Variants in TEX29 observed in about 807,000 individuals in gnomAD.
TEX29 encodes the protein testis-expressed protein 29.
A neutral mutation model predicts 18.2 loss-of-function variants in TEX29; 26 were observed. That is an observed-to-expected ratio of 1.43 (90% CI 1.04 to 1.98). The LOEUF (loss-of-function observed/expected upper bound fraction) is 1.98, where lower values mean the gene tolerates loss of function less well. TEX29 is among the 30% of genes most tolerant of loss of function. The pLI is 0.00. For synonymous variants in TEX29, 83 were observed against 78.5 expected (o/e 1.06, Z -0.31); for missense variants, 177 against 194.2 (o/e 0.91, Z 0.53).
At chr13:111,318,118 C>T (rs1230796883), upstream of TEX29, among the ~76,000 whole-genome samples, 1 of 152,180 alleles carries the variant, frequency 6.6e-6, no homozygotes, top group African/African-American at 2.4e-5. Flanking sequence ...CTAGGAGCCC[C>T]CCGAATCCCC....
upstream of TEX29, among the ~76,000 whole-genome samples, chr13:111,320,321 G>T (rs924753094): frequency 6.6e-6 from 1 of 152,212 alleles, no homozygotes; most frequent in Non-Finnish European, 1.5e-5. Context: ...CTGGCAGAGA[G>T]GGGTGTCCCA....
At chr13:111,333,403 G>C (rs1485734011) in intron 3 of TEX29, among the ~76,000 whole-genome samples, 1 of 152,048 alleles carries the variant, frequency 6.6e-6, no homozygotes. Flanking sequence ...ATTTTTCTTG[G>C]TTATATTTTC....
At position 111,320,779 on chromosome 13, in the gene TEX29, C is replaced by T. The variant is rs1019833446; in HGVS notation, c.-35+17C>T. 1 of 1,322,474 alleles carries T rather than the reference C, an allele frequency of 7.6e-7. No homozygotes were observed. Among genetic ancestry groups the T allele is most frequent in the African/African-American group, 1.4e-5 (1 of 69,090 alleles). 81.9% of individuals were successfully genotyped at this position (1,322,474 alleles called of 1,614,324 possible). A position where few individuals can be genotyped will look rare whatever the true frequency, so the allele number is the denominator to read the frequency against. ...GAGGCGCAGGTGAGTCGATGAACGC[C>T]CCCTCCTGGTGTGAGCCGCCCGCTC... On this transcript the variant is annotated intron_variant, in intron 1 of 5. Coordinates refer to ENST00000283547, the MANE Select transcript of TEX29 (RefSeq NM_152324.3).
At chr13:111,323,911 G>A (rs1412604066) in intron 2 of TEX29, among the ~76,000 whole-genome samples, 1 of 152,226 alleles carries the variant, frequency 6.6e-6, no homozygotes, top group Non-Finnish European at 1.5e-5. Context: ...TCAAACTCCG[G>A]GAGAACTGGT....
intron 3 of TEX29, 86 bp downstream of exon 3, chr13:111,328,379 C>T (rs1027029241): frequency 1.1e-6 from 1 of 910,600 alleles, no homozygotes; most frequent in South Asian, 1.3e-5. Context: ...CTCCCTTCCT[C>T]GGGGTCTCTG....
upstream of TEX29, among the ~76,000 whole-genome samples, chr13:111,317,745 G>C (rs2093656999): frequency 6.6e-6 from 1 of 152,210 alleles, no homozygotes; most frequent in Non-Finnish European, 1.5e-5. Context: ...CGTGGGCCGA[G>C]GGTTCTGGGG....
chr13:111,332,424 A>ATAAT (rs1162395410), intron 3 of TEX29, among the ~76,000 whole-genome samples: 1 of 152,080 alleles, frequency 6.6e-6, no homozygotes, highest in Non-Finnish European at 1.5e-5. Flanking sequence ...TCATTCTATT[A>ATAAT]GTTTTCTAGT....
chr13:111,324,879 G>A (rs563020386), intron 2 of TEX29, among the ~76,000 whole-genome samples: 5 of 152,162 alleles, frequency 3.3e-5, no homozygotes, highest in African/African-American at 7.2e-5. Context: ...GAAAAATAAC[G>A]GAACGTTTAC....
At position 111,328,171 on chromosome 13, in the gene TEX29, G is replaced by C; in HGVS notation, c.59-12G>C. The C allele has an allele frequency of 6.3e-7, 1 of 1,578,268 alleles. No homozygotes were observed. The highest frequency in any genetic ancestry group is 8.7e-7 in the Non-Finnish European group (1 of 1,147,518). ...TCGGGGGTGACACTTGTGTATGTCT[G>C]TGCTTTTGCAGTGTGTGACGTTCCT... On this transcript the variant is annotated splice_polypyrimidine_tract_variant and intron_variant, in intron 2 of 5. Transcript: ENST00000283547.
chr13:111,327,278 G>A (rs983008280), intron 2 of TEX29, among the ~76,000 whole-genome samples: 1 of 152,228 alleles, frequency 6.6e-6, no homozygotes, highest in Non-Finnish European at 1.5e-5. Context: ...TGGAATGGGG[G>A]TGTCTTGAGA....
intron 3 of TEX29, among the ~76,000 whole-genome samples, chr13:111,339,596 G>T (rs948970187): frequency 1.3e-5 from 2 of 152,192 alleles, no homozygotes; most frequent in East Asian, 3.9e-4. Flanking sequence ...CGGGGGTCAG[G>T]GTGGTCACAA....
upstream of TEX29, among the ~76,000 whole-genome samples, chr13:111,316,819 G>C (rs2093655409): frequency 6.6e-6 from 1 of 152,230 alleles, no homozygotes; most frequent in Non-Finnish European, 1.5e-5. Context: ...ACAAAGGAAA[G>C]AGGTTTAATT....
chr13:111,330,119 A>G (rs35181765), intron 3 of TEX29, among the ~76,000 whole-genome samples: 15,328 of 151,922 alleles, frequency 0.1, 924 homozygotes, highest in African/African-American at 0.16. Context: ...TAGGGGAAGA[A>G]GAGAAAAAGG....
intron 3 of TEX29, among the ~76,000 whole-genome samples, chr13:111,331,016 A>G (rs1268223616): frequency 1.3e-5 from 2 of 152,216 alleles, no homozygotes; most frequent in African/African-American, 2.4e-5. Context: ...GAACATTTGT[A>G]TATAGGTTTT....
chr13:111,339,738 G>A, intron 3 of TEX29, 125 bp from the exon 4 acceptor site: 1 of 841,586 alleles, frequency 1.2e-6, no homozygotes, highest in South Asian at 1.5e-5. Flanking sequence ...TGGGTGAGGA[G>A]TGCTGACCAT....
At chr13:111,339,390 C>A in intron 3 of TEX29, 1 of 455,096 alleles carries the variant, frequency 2.2e-6, no homozygotes, top group Non-Finnish European at 4.4e-6. Flanking sequence ...CTCCACGCAC[C>A]CCCAGGGGTC....
upstream of TEX29, among the ~76,000 whole-genome samples, chr13:111,317,600 G>A (rs1009691803): frequency 5.3e-5 from 8 of 152,226 alleles, no homozygotes; most frequent in Non-Finnish European, 8.8e-5. Flanking sequence ...ATCTTTGCTC[G>A]GTTTATTGTC....
At chr13:111,321,214 CAGGTCAA>C (rs2093664027) in intron 2 of TEX29, among the ~76,000 whole-genome samples, 2 of 152,256 alleles carry the variant, frequency 1.3e-5, no homozygotes, top group South Asian at 4.1e-4. Context: ...AGGGCTTTAA[CAGGTCAA>C]AGGCATTTTG....
upstream of TEX29, among the ~76,000 whole-genome samples, chr13:111,320,407 G>A (rs534618867): frequency 1.4e-4 from 22 of 152,344 alleles, no homozygotes; most frequent in Admixed American, 2.6e-4. Context: ...GGCAAGGGGC[G>A]GGGGTATCCT....
Sources: gnomAD v4.1 joint callset for allele counts (sites outside exome capture counted in the v4.1 genomes callset) on GRCh38, gnomAD v4.1.1 for gene constraint, MANE v1.5 for transcripts, NCBI Gene and HGNC (gene_info 2026-07-23, HGNC 2026-07-21) for gene names.